PTN: variants seen among roughly 807,000 people sequenced by gnomAD.
PTN encodes pleiotrophin, also known as heparin affin regulatory protein.
PTN carries 18 observed loss-of-function variants against 24.1 expected under a neutral mutation model. That is an observed-to-expected ratio of 0.75 (90% confidence interval 0.52 to 1.11). PTN has a LOEUF of 1.11. PTN is among the 50% of genes least tolerant of loss of function. The pLI, the probability that PTN is intolerant of heterozygous loss-of-function variation, is 0.00. For missense variants in PTN, 163 were observed against 198.8 expected, an observed-to-expected ratio of 0.82 and a Z score of 1.08; for synonymous variants, 78 against 68.6, an observed-to-expected ratio of 1.14 and a Z score of -0.67.
intron 1 of PTN, among the ~76,000 whole-genome samples, chr7:137,270,928 T>G (rs1293192112): frequency 6.6e-6 from 1 of 152,208 alleles, no homozygotes; most frequent in Non-Finnish European, 1.5e-5. Flanking sequence ...GAAAATAGTT[T>G]GCATCATGGA....
chr7:137,237,846 T>C (rs1808550890), intron 4 of PTN, among the ~76,000 whole-genome samples: 1 of 152,188 alleles, frequency 6.6e-6, no homozygotes, highest in African/African-American at 2.4e-5. Context: ...TTTATTACTC[T>C]TGTACATCTA....
At chr7:137,296,992 C>T (rs749394237) in intron 1 of PTN, among the ~76,000 whole-genome samples, 12 of 152,022 alleles carry the variant, frequency 7.9e-5, no homozygotes, top group Non-Finnish European at 1.8e-4. Context: ...AAAAAGTATT[C>T]CAAATCAGAG....
chr7:137,259,553 A>T (rs1198928166), intron 1 of PTN, among the ~76,000 whole-genome samples: 3 of 152,126 alleles, frequency 2.0e-5, no homozygotes, highest in South Asian at 2.1e-4. Flanking sequence ...ATACAGTATT[A>T]GTTGCTGAAT....
At position 137,320,935 on chromosome 7, in the gene PTN, G is replaced by A. The variant is rs1055961220; in HGVS notation, c.-2+22504C>T. Among the ~76,000 whole-genome samples the A allele has an allele frequency of 3.3e-5, 5 of 152,174 alleles. No individual in the cohort carries two copies. In the East Asian group the frequency reaches 7.7e-4, roughly 23 times the overall value. ...AGCTGGGATTGGAAGAACCCTCTGT[G>A]TTATAACTTCTGGCTTTATTTTTCA... On this transcript the variant is annotated intron_variant, in intron 1 of 4. Coordinates refer to ENST00000348225, the MANE Select transcript of PTN (RefSeq NM_002825.7).
At chr7:137,323,924 C>G (rs529239007) in intron 1 of PTN, among the ~76,000 whole-genome samples, 1 of 152,026 alleles carries the variant, frequency 6.6e-6, no homozygotes, top group Non-Finnish European at 1.5e-5. Flanking sequence ...ATCCACAGAT[C>G]GTAATCTAGG....
intron 4 of PTN, among the ~76,000 whole-genome samples, chr7:137,241,665 T>C (rs536569859): frequency 6.6e-6 from 1 of 152,152 alleles, no homozygotes; most frequent in African/African-American, 2.4e-5. Flanking sequence ...AAGAAAAGGA[T>C]AGAGTTAGAT....
At chr7:137,278,325 AAAAAAAAAAAAAAT>A (rs1809404277) in intron 1 of PTN, among the ~76,000 whole-genome samples, 4 of 149,954 alleles carry the variant, frequency 2.7e-5, no homozygotes, top group Admixed American at 1.3e-4. Flanking sequence ...AAAAAAAAAA[AAAAAAAAAAAAAAT>A]GACTACTAAT....
At chr7:137,313,736 A>T (rs322337) in intron 1 of PTN, among the ~76,000 whole-genome samples, 113,696 of 152,158 alleles carry the variant, frequency 0.75, 46,542 homozygotes, top group Non-Finnish European at 0.9. Context: ...TCTGAAAATC[A>T]TGAGGCAAGG....
intron 4 of PTN, among the ~76,000 whole-genome samples, chr7:137,236,862 A>G (rs1188521472): frequency 6.6e-6 from 1 of 152,142 alleles, no homozygotes; most frequent in Non-Finnish European, 1.5e-5. Context: ...ATCATATCTA[A>G]TGTTTAATAT....
chr7:137,322,733 A>G (rs1225103031), intron 1 of PTN, among the ~76,000 whole-genome samples: 4 of 152,340 alleles, frequency 2.6e-5, no homozygotes, highest in African/African-American at 9.6e-5. Flanking sequence ...ACAATACAGA[A>G]TAAGCATTTT....
intron 1 of PTN, chr7:137,326,234 T>A (rs1346255533): frequency 6.6e-6 from 1 of 152,172 alleles, no homozygotes; most frequent in East Asian, 1.9e-4. Flanking sequence ...TAGTTCATGC[T>A]CAGTTCTTAG....
rs149589119 is a variant in PTN at position 137,249,225 on chromosome 7, A to G, written c.451+2005T>C. Among the ~76,000 whole-genome samples, 546 of 151,736 alleles carry G rather than the reference A, an allele frequency of 3.6e-3. 4 individuals are homozygous for G. The highest frequency in any genetic ancestry group is 0.02 in the South Asian group (97 of 4,806). On this transcript the variant is annotated intron_variant, in intron 4 of 4. Coordinates refer to ENST00000348225, the MANE Select transcript of PTN (RefSeq NM_002825.7). The stretch of plus-strand genomic sequence containing the variant: ...ATGTCCCCACTTTTTCTCCCTTATT[A>G]TAAAGTTGAATTTTCTCTTTCCCAT...
intron 4 of PTN, among the ~76,000 whole-genome samples, chr7:137,242,704 G>T (rs1808651710): frequency 6.6e-6 from 1 of 152,154 alleles, no homozygotes; most frequent in Non-Finnish European, 1.5e-5. Context: ...AGCTCTCACT[G>T]GAGCCTCCCA....
rs570206219 is a variant in PTN, at chr7:137,293,966, A to G, written c.-1-38992T>C. Among the ~76,000 whole-genome samples, 13 of 152,236 alleles carry G rather than the reference A, an allele frequency of 8.5e-5. No homozygotes were observed. In the South Asian group the frequency reaches 1.5e-3, roughly 17 times the overall value. On this transcript the variant is annotated intron_variant, in intron 1 of 4. Transcript: ENST00000348225. ...GAATTATTTAAAATTGAAGGAAAAA[A>G]TGTTTTGATATATCATGCAAGCAAA... is the stretch of plus-strand genomic sequence containing the variant.
In PTN at chr7:137,312,722, T is replaced by TA. The variant is rs539323174; in HGVS notation, c.-2+30716dup. Among the ~76,000 whole-genome samples the TA allele has an allele frequency of 3.9e-5, 6 of 152,128 alleles. No homozygotes were observed. In the East Asian group the frequency reaches 7.7e-4, roughly 20 times the overall value. On this transcript the variant is annotated intron_variant, in intron 1 of 4. Transcript: ENST00000348225. ...GGCTAGAAAATGCCAATTTTTAAAA[T>TA]AAAAAAATTGAAAACTCTTAAATTT... is the stretch of plus-strand genomic sequence containing the variant.
chr7:137,331,727 G>T (rs1283081286), intron 1 of PTN, among the ~76,000 whole-genome samples: 1 of 152,176 alleles, frequency 6.6e-6, no homozygotes, highest in African/African-American at 2.4e-5. Flanking sequence ...GGAGCTAAGG[G>T]GTTAGATCCA....
At chr7:137,274,693 T>C (rs1340744899) in intron 1 of PTN, among the ~76,000 whole-genome samples, 4 of 152,220 alleles carry the variant, frequency 2.6e-5, no homozygotes, top group Non-Finnish European at 5.9e-5. Context: ...ACTCAAAAAA[T>C]ATTTGTGAAA....
At chr7:137,324,414 C>A (rs1361627187) in intron 1 of PTN, among the ~76,000 whole-genome samples, 1 of 33,054 alleles carries the variant, frequency 3.0e-5, no homozygotes, top group Non-Finnish European at 4.7e-5. Flanking sequence ...GAGACCCTGT[C>A]TCTAAAAAAA....
chr7:137,272,919 C>A (rs762591602), intron 1 of PTN, among the ~76,000 whole-genome samples: 1 of 152,182 alleles, frequency 6.6e-6, no homozygotes, highest in African/African-American at 2.4e-5. Flanking sequence ...AAGTCATGGA[C>A]GCTTGAGGTC....
Sources: gnomAD v4.1 joint callset for allele counts (sites outside exome capture counted in the v4.1 genomes callset) on GRCh38, gnomAD v4.1.1 for gene constraint, MANE v1.5 for transcripts, NCBI Gene and HGNC (gene_info 2026-07-23, HGNC 2026-07-21) for gene names.